MINDY1: variants seen among roughly 807,000 people sequenced by gnomAD.
The protein encoded by MINDY1 is MINDY lysine 48 deubiquitinase 1, also known as ubiquitin carboxyl-terminal hydrolase MINDY-1.
A neutral mutation model predicts 53.6 loss-of-function variants in MINDY1; 50 were observed. The ratio of observed to expected loss-of-function variants is 0.93; its 90% CI spans 0.74 to 1.18. The LOEUF is 1.18. Ranked by LOEUF, MINDY1 falls within the 50% of genes most tolerant of loss-of-function variation. The pLI is 0.00. For synonymous variants in MINDY1, 231 were observed against 234.7 expected (o/e 0.98, Z 0.14); for missense variants, 484 against 578.6 (o/e 0.84, Z 1.68).
chr1:151,006,218 G>A (rs935993314), intron 1 of MINDY1, 94 bp downstream of exon 1: 2 of 1,545,014 alleles, frequency 1.3e-6, no homozygotes, highest in Non-Finnish European at 1.7e-6. Flanking sequence ...GACCAAAGGT[G>A]GAAGGACAGC....
At chr1:151,005,232 A>G (rs1226647295) in intron 1 of MINDY1, among the ~76,000 whole-genome samples, 1 of 151,994 alleles carries the variant, frequency 6.6e-6, no homozygotes, top group Non-Finnish European at 1.5e-5. Context: ...CGGGCGGATC[A>G]CCTGAGGTCA....
At chr1:151,006,027 T>A in intron 1 of MINDY1, 1 of 1,527,748 alleles carries the variant, frequency 6.5e-7, no homozygotes, top group Non-Finnish European at 8.9e-7. Flanking sequence ...CCTATGTCTT[T>A]GTGCAATCAA....
Position 150,999,766 on chromosome 1 carries a change from A to G in MINDY1, c.838+96T>C, listed in dbSNP as rs1672322453. ...GCTCCTTCTTGTGAAGCTTATATCT[A>G]GTGGGATGTGGTAGGAGATGACACC... On this transcript the variant is annotated intron_variant, in intron 6 of 9. Coordinates refer to ENST00000683666, the MANE Select transcript of MINDY1 (RefSeq NM_001376665.1). This position sits in a 1 kb window ranked among gnomAD's most constrained non-coding sequence, Gnocchi z 4.4. 3 of 1,158,452 alleles carry G rather than the reference A, an allele frequency of 2.6e-6. 1 individual carries two copies. The Admixed American group carries it at 6.3e-5, about 24-fold the overall frequency. The allele number at this position is 1,158,452 out of a possible 1,614,324, so 71.8% of individuals were successfully genotyped here.
At chr1:151,007,341 T>C (rs1221477269), upstream of MINDY1, among the ~76,000 whole-genome samples, 1 of 152,062 alleles carries the variant, frequency 6.6e-6, no homozygotes, top group Admixed American at 6.5e-5. Context: ...CCATCTCTAC[T>C]AAAAATACAA....
chr1:151,006,353 T>A lies in MINDY1; in HGVS notation c.-131A>T, dbSNP rs1417327445. The A allele has an allele frequency of 3.6e-6, 5 of 1,401,138 alleles. No homozygotes were observed. The Admixed American group carries it at 1.5e-4, about 42-fold the overall frequency. 86.8% of individuals were successfully genotyped at this position (1,401,138 alleles called of 1,614,324 possible). ...CTGTTCCAAGATTGAGAAGGAGGGTTCAGCCGTGGCAATGAGATGGGGGAG... is the reference window on the plus strand; with the variant it reads ...CTGTTCCAAGATTGAGAAGGAGGGTACAGCCGTGGCAATGAGATGGGGGAG... On this transcript the variant is annotated 5_prime_UTR_variant, in exon 1 of 10. Transcript: ENST00000683666.
At chr1:151,008,327 TACGTTTCCC>T (rs1410153887), upstream of MINDY1, 30 of 1,319,282 alleles carry the variant, frequency 2.3e-5, no homozygotes, top group Non-Finnish European at 2.7e-5. Context: ...GTTGCGGGAC[TACGTTTCCC>T]ACGTCGCCCC....
At chr1:150,998,360 T>A (rs1673160) in intron 7 of MINDY1, 87 bp from the exon 8 acceptor site, 710,368 of 1,226,020 alleles carry the variant, frequency 0.58, 213,779 homozygotes, top group Non-Finnish European at 0.63. Flanking sequence ...GCATGTGGAC[T>A]TTTTTTTTCT....
chr1:150,997,901 C>G (rs924675162), intron 8 of MINDY1, 122 bp from the exon 9 acceptor site: 42 of 1,203,612 alleles, frequency 3.5e-5, no homozygotes, highest in African/African-American at 4.6e-5. Flanking sequence ...CACAGAGCAG[C>G]ACACACAGCC....
chr1:151,006,993 G>T, upstream of MINDY1: 3 of 624,006 alleles, frequency 4.8e-6, no homozygotes, highest in Non-Finnish European at 6.0e-6. Flanking sequence ...TCTCTCTCTG[G>T]GTATGGCAGT....
At chr1:151,004,257 T>A (rs1159969340) in intron 1 of MINDY1, among the ~76,000 whole-genome samples, 1 of 152,074 alleles carries the variant, frequency 6.6e-6, no homozygotes, top group East Asian at 1.9e-4. Flanking sequence ...ACACCGGACC[T>A]GTTTAACCTG....
intron 8 of MINDY1, 60 bp from the exon 9 acceptor site, chr1:150,997,839 G>C: frequency 6.5e-7 from 1 of 1,533,546 alleles, no homozygotes; most frequent in Non-Finnish European, 8.8e-7. Context: ...ATTCAGGCAA[G>C]GTTTCCAAAT....
chr1:150,998,377 T>G, intron 7 of MINDY1, 104 bp from the exon 8 acceptor site: 1 of 1,051,180 alleles, frequency 9.5e-7, no homozygotes, highest in Non-Finnish European at 1.4e-6. Flanking sequence ...TTCTTGGAGA[T>G]GGAGTCTCGC....
chr1:150,999,643 C>G lies in MINDY1; in HGVS notation c.839-132G>C. On this transcript the variant is annotated intron_variant, in intron 6 of 9. Transcript: ENST00000683666. The surrounding 1 kb of genome is among the most constrained non-coding windows in gnomAD (Gnocchi z 4.4). ...CCTTCTGACGTCCCTTTCTTGAAAC[C>G]TGGCTGTATTCATTCACTTAACAAA... 8.0e-7 allele frequency: 1 copy of G among 1,249,580 alleles called. No homozygotes were observed. Among genetic ancestry groups the G allele is most frequent in the Non-Finnish European group, 1.1e-6 (1 of 902,456 alleles). 77.4% of individuals were successfully genotyped at this position (1,249,580 alleles called of 1,614,324 possible). A position where few individuals can be genotyped will look rare whatever the true frequency, so the allele number is the denominator to read the frequency against.
intron 1 of MINDY1, among the ~76,000 whole-genome samples, chr1:151,005,347 G>A (rs1457668650): frequency 6.6e-6 from 1 of 151,914 alleles, no homozygotes; most frequent in East Asian, 1.9e-4. Flanking sequence ...AGCTACTCAG[G>A]AGGCTGAGGC....
chr1:151,000,438 T>G lies in MINDY1; in HGVS notation c.735+19A>C. 2 of 1,576,490 alleles carry G rather than the reference T, an allele frequency of 1.3e-6. No homozygotes were observed. The highest frequency in any genetic ancestry group is 8.6e-7 in the Non-Finnish European group (1 of 1,161,866). ...CAGCTTGAGCTGGATAAGGTCCCAG[T>G]GGGCCCTCCCACCCTCACCTGTGGA... is the stretch of plus-strand genomic sequence containing the variant. On this transcript the variant is annotated intron_variant, in intron 5 of 9. Transcript: ENST00000683666.
chr1:151,002,109 G>T lies in MINDY1; in HGVS notation c.453+56C>A. On this transcript the variant is annotated intron_variant, in intron 2 of 9. Coordinates refer to ENST00000683666, the MANE Select transcript of MINDY1 (RefSeq NM_001376665.1). The surrounding 1 kb of genome is among the most constrained non-coding windows in gnomAD (Gnocchi z 4.1). ...GACATCAGGATGATCAAGGAAGTAA[G>T]TCAGGGAAGAGTACTCCCTGATATT... The T allele has an allele frequency of 6.8e-6, 10 of 1,477,180 alleles. No individual in the cohort carries two copies. The highest frequency in any genetic ancestry group is 9.2e-6 in the Non-Finnish European group (10 of 1,090,554). 91.5% of individuals were successfully genotyped at this position (1,477,180 alleles called of 1,614,324 possible). A position where few individuals can be genotyped will look rare whatever the true frequency, so the allele number is the denominator to read the frequency against.
At position 150,997,358 on chromosome 1, in the gene MINDY1, C is replaced by T; in HGVS notation, c.1339G>A (p.Ala447Thr). 1.9e-6 allele frequency: 3 copies of T among 1,600,212 alleles called. No homozygotes were observed. Among genetic ancestry groups the T allele is most frequent in the South Asian group, 2.3e-5 (2 of 88,874 alleles). Residue 447 changes from alanine to threonine, a missense_variant, in exon 10 of 10, where the codon GCC becomes ACC. Coordinates refer to ENST00000683666, the MANE Select transcript of MINDY1 (RefSeq NM_001376665.1). ...TCCCCGGCTGGGCGTCCAGATGTGGCTCCTCTCCCCTGTATCGGATTTAAC... is the reference window on the plus strand; with the variant it reads ...TCCCCGGCTGGGCGTCCAGATGTGGTTCCTCTCCCCTGTATCGGATTTAAC... ...TRVLSLQGRG[A>T]TSGRPAGERR...
intron 2 of MINDY1, 45 bp from the exon 3 acceptor site, chr1:151,001,827 G>C: frequency 6.4e-7 from 1 of 1,561,206 alleles, no homozygotes. Flanking sequence ...CCTCCAAAGA[G>C]CACTGAAGGA....
chr1:151,002,503 C>G lies in MINDY1; in HGVS notation c.115G>C (p.Asp39His). 2 of 1,614,232 alleles carry G rather than the reference C, an allele frequency of 1.2e-6. No individual in the cohort carries two copies. The highest frequency in any genetic ancestry group is 1.1e-5 in the South Asian group (1 of 91,092). ...AGPDEHPQDT[D>H]ARDADGEARE... Reference sequence around the variant, plus strand: ...GCCTCCCCATCAGCATCTCTTGCATCTGTGTCCTGAGGGTGCTCATCTGGG... The same window carrying G: ...GCCTCCCCATCAGCATCTCTTGCATGTGTGTCCTGAGGGTGCTCATCTGGG... The change falls in exon 2 of 10, where the codon GAT (aspartate) becomes CAT (histidine). Residue 39 changes from aspartate (D) to histidine (H), a missense_variant. Physicochemically the swap from Asp to His is moderately conservative, Grantham distance 81 (BLOSUM62 -1). Transcript: ENST00000683666. The surrounding 1 kb of genome is among the most constrained non-coding windows in gnomAD (Gnocchi z 4.1).
Sources: gnomAD v4.1 joint callset for allele counts (sites outside exome capture counted in the v4.1 genomes callset) on GRCh38, gnomAD v4.1.1 for gene constraint, Gnocchi (gnomAD v3.1) non-coding constraint, MANE v1.5 for transcripts, NCBI Gene and HGNC (gene_info 2026-07-23, HGNC 2026-07-21) for gene names.